The following PRDM8 variants were observed in gnomAD, a reference collection of about 807,000 sequenced individuals.
The protein encoded by PRDM8 is PR domain zinc finger protein 8.
A neutral mutation model predicts 46.5 loss-of-function variants in PRDM8; 13 were observed. The ratio of observed to expected loss-of-function variants is 0.28; its 90% CI spans 0.18 to 0.44. The LOEUF (loss-of-function observed/expected upper bound fraction) is 0.44, where lower values mean the gene tolerates loss of function less well. Ranked by LOEUF, PRDM8 falls within the 20% of genes least tolerant of loss-of-function variation. The pLI is 1.00. For missense variants in PRDM8, 998 were observed against 955.0 expected (o/e 1.04, Z -0.59); for synonymous variants, 473 against 438.4 (o/e 1.08, Z -0.98).
At chr4:80,185,527 T>C (rs1700393915) in intron 1 of PRDM8, 1 of 152,166 alleles carries the variant, frequency 6.6e-6, no homozygotes, top group African/African-American at 2.4e-5. Flanking sequence ...AAGTGAGTGA[T>C]GGGGATTGGA....
chr4:80,189,103 G>A (rs1467916651), intron 1 of PRDM8, among the ~76,000 whole-genome samples: 2 of 152,210 alleles, frequency 1.3e-5, no homozygotes. Context: ...CGCGCTCTAG[G>A]AGGCCCAGAG....
intron 1 of PRDM8, 113 bp from the exon 2 acceptor site, chr4:80,199,966 A>G: frequency 1.3e-6 from 1 of 773,806 alleles, no homozygotes; most frequent in Admixed American, 2.5e-5. Flanking sequence ...AGCTATGCAA[A>G]AATCAGGCAT....
chr4:80,192,384 A>G (rs1217554242), intron 2 of PRDM8, among the ~76,000 whole-genome samples: 1 of 152,210 alleles, frequency 6.6e-6, no homozygotes, highest in Non-Finnish European at 1.5e-5. Context: ...GGCTGTGTGA[A>G]GAAATTTGAT....
chr4:80,195,057 A>G (rs899653776), upstream of PRDM8, among the ~76,000 whole-genome samples: 3 of 152,208 alleles, frequency 2.0e-5, no homozygotes, highest in African/African-American at 7.2e-5. Flanking sequence ...CACATTCTGG[A>G]GTAGAGGCTT....
intron 1 of PRDM8, among the ~76,000 whole-genome samples, chr4:80,189,016 G>T (rs931889175): frequency 2.6e-5 from 4 of 152,338 alleles, no homozygotes; most frequent in African/African-American, 9.6e-5. Context: ...CGGGACTTGG[G>T]TGTGTAGGGG....
At chr4:80,201,854 G>A in intron 3 of PRDM8, 60 bp from the exon 4 acceptor site, 4 of 1,595,774 alleles carry the variant, frequency 2.5e-6, no homozygotes, top group Non-Finnish European at 2.6e-6. Context: ...TAATCATGTG[G>A]TGTGCGTGTG....
At position 80,201,344 on chromosome 4, in the gene PRDM8, G is replaced by C; in HGVS notation, c.274G>C (p.Val92Leu). The change falls in exon 3 of 4, where the codon GTC (valine) becomes CTC (leucine). Residue 92 changes from valine (V) to leucine (L), a missense_variant. Coordinates refer to ENST00000415738, the MANE Select transcript of PRDM8 (RefSeq NM_001099403.2). ...AGAAGGTCTCATGTGGCTGCGGTTG[G>C]TCCAATCGGCCAGAGATAAGGAAGA... ...SSEGLMWLRL[V>L]QSARDKEEQN... 6.2e-7 allele frequency: 1 copy of C among 1,614,180 alleles called. No individual in the cohort carries two copies. Among genetic ancestry groups the C allele is most frequent in the Non-Finnish European group, 8.5e-7 (1 of 1,180,030 alleles).
intron 1 of PRDM8, among the ~76,000 whole-genome samples, chr4:80,187,175 G>A (rs1737160835): frequency 6.7e-6 from 1 of 150,096 alleles, no homozygotes; most frequent in Non-Finnish European, 1.5e-5. Context: ...CTTTTAGTCA[G>A]GGTAGTGGAC....
intron 1 of PRDM8, among the ~76,000 whole-genome samples, chr4:80,186,911 T>G (rs910686484): frequency 3.9e-5 from 6 of 152,250 alleles, no homozygotes; most frequent in African/African-American, 1.4e-4. Flanking sequence ...CTGCTTTCCC[T>G]GCTTCGGGAG....
Position 80,197,884 on chromosome 4 carries a change from G to C in PRDM8, c.-3+121G>C, listed in dbSNP as rs540750585. On this transcript the variant is annotated intron_variant, in intron 1 of 3. Transcript: ENST00000415738. Reference sequence around the variant, plus strand: ...AAGAGAGAGAAAAATAATTCTTGAGGGGCTGTCTACTGCCAGTAATATTGT... The same window carrying C: ...AAGAGAGAGAAAAATAATTCTTGAGCGGCTGTCTACTGCCAGTAATATTGT... The C allele has an allele frequency of 4.7e-5, 41 of 864,478 alleles. No homozygotes were observed. In the South Asian group the frequency reaches 2.0e-3, roughly 41 times the overall value. The allele number at this position is 864,478 out of a possible 1,614,324, so 53.6% of individuals were successfully genotyped here.
chr4:80,194,083 T>C (rs1737763318), upstream of PRDM8: 2 of 247,304 alleles, frequency 8.1e-6, no homozygotes, highest in Admixed American at 1.3e-4. Context: ...AAAATTCCCT[T>C]TCTTACCCTT....
intron 1 of PRDM8, among the ~76,000 whole-genome samples, chr4:80,197,974 G>T (rs972704985): frequency 1.3e-5 from 2 of 152,238 alleles, no homozygotes; most frequent in East Asian, 3.9e-4. Context: ...GCGCGCGGCC[G>T]CCAGACAATG....
At chr4:80,189,394 C>G (rs1259019967) in intron 1 of PRDM8, among the ~76,000 whole-genome samples, 1 of 149,938 alleles carries the variant, frequency 6.7e-6, no homozygotes, top group Non-Finnish European at 1.5e-5. Flanking sequence ...CCTTCCGCAG[C>G]AAACTGATTG....
At chr4:80,185,670 C>T (rs1737019496) in intron 1 of PRDM8, among the ~76,000 whole-genome samples, 1 of 152,164 alleles carries the variant, frequency 6.6e-6, no homozygotes, top group African/African-American at 2.4e-5. Flanking sequence ...CTTGCGAGGG[C>T]ACTAGGACAA....
upstream of PRDM8, among the ~76,000 whole-genome samples, chr4:80,192,640 G>C (rs1737639208): frequency 6.6e-6 from 1 of 152,172 alleles, no homozygotes; most frequent in African/African-American, 2.4e-5. Flanking sequence ...GAAGGACTTT[G>C]GAACCTACAG....
In PRDM8 at chr4:80,202,457, G is replaced by A. The variant is rs920316390; in HGVS notation, c.995G>A (p.Gly332Asp). Residue 332 changes from glycine to aspartate, a missense_variant, in exon 4 of 4, where the codon GGC becomes GAC. Physicochemically the swap from Gly to Asp is moderately conservative, Grantham distance 94 (BLOSUM62 -1). Transcript: ENST00000415738. The stretch of plus-strand genomic sequence containing the variant: ...GGCGGTGGCGCTGGTCTGGTAGGGG[G>A]CCGGGGCCGCTTCGTAGAGCGGCCC... ...EGGGGAGLVG[G>D]RGRFVERPLP... The A allele has an allele frequency of 9.7e-6, 15 of 1,544,426 alleles. No homozygotes were observed. The highest frequency in any genetic ancestry group is 1.3e-5 in the Non-Finnish European group (15 of 1,146,428).
Position 80,202,959 on chromosome 4 carries a change from C to A in PRDM8, c.1497C>A (p.Ser499Arg). The change falls in exon 4 of 4, where the codon AGC (serine) becomes AGA (arginine). Residue 499 changes from serine (S) to arginine (R), a missense_variant. Physicochemically the swap from Ser to Arg is moderately radical, Grantham distance 110. Transcript: ENST00000415738. ...GCGCCGCGTCGGACGAGCGCAAAAGCGCCTTCTCGCAGCCAGCACGCTCTT... is the reference window on the plus strand; with the variant it reads ...GCGCCGCGTCGGACGAGCGCAAAAGAGCCTTCTCGCAGCCAGCACGCTCTT... ...GQGAASDERK[S>R]AFSQPARSFS... 1 of 1,487,080 alleles carries A rather than the reference C, an allele frequency of 6.7e-7. No individual in the cohort carries two copies. The highest frequency in any genetic ancestry group is 2.3e-5 in the Admixed American group (1 of 44,048). The allele number at this position is 1,487,080 out of a possible 1,614,324, so 92.1% of individuals were successfully genotyped here.
rs985946711 is a variant in PRDM8, at chr4:80,203,178, G to A, written c.1716G>A (p.Gln572=). Residue 572 remains glutamine (Q), a synonymous_variant, in exon 4 of 4, where the codon CAG becomes CAA. Transcript: ENST00000415738. ...LPSGGGGLPK[Q]SPFLYATAFW... ...GCGGCGGCGGCGGCCTGCCTAAGCAGAGCCCCTTCCTGTACGCCACCGCCT... is the reference window on the plus strand; with the variant it reads ...GCGGCGGCGGCGGCCTGCCTAAGCAAAGCCCCTTCCTGTACGCCACCGCCT... 1 of 1,548,922 alleles carries A rather than the reference G, an allele frequency of 6.5e-7. No individual in the cohort carries two copies. The highest frequency in any genetic ancestry group is 8.7e-7 in the Non-Finnish European group (1 of 1,151,828).
At chr4:80,195,316 T>C (rs1170496213), upstream of PRDM8, among the ~76,000 whole-genome samples, 1 of 152,226 alleles carries the variant, frequency 6.6e-6, no homozygotes, top group Non-Finnish European at 1.5e-5. Context: ...TGAAGTTGTT[T>C]ACACCCGTGC....
Sources: allele counts gnomAD v4.1 joint callset (sites outside exome capture counted in the v4.1 genomes callset), GRCh38; gene constraint gnomAD v4.1.1; transcripts MANE v1.5; gene names NCBI Gene and HGNC (gene_info 2026-07-23, HGNC 2026-07-21).